CC2D2A: variants seen among roughly 807,000 people sequenced by gnomAD.
The protein encoded by CC2D2A is coiled-coil and C2 domain containing 2A.
CC2D2A carries 155 observed loss-of-function variants against 212.9 expected under a neutral mutation model. The observed-to-expected ratio is 0.73, with a 90% CI of 0.64 to 0.83. The LOEUF is 0.83. Among genes scored for constraint, CC2D2A ranks in the 40% least tolerant of loss-of-function variants. The pLI is 0.00. For missense variants in CC2D2A, 1,856 were observed against 1,956.2 expected, an observed-to-expected ratio of 0.95 and a Z score of 0.97; for synonymous variants, 667 against 686.5, an observed-to-expected ratio of 0.97 and a Z score of 0.44.
At chr4:15,502,244 T>C (rs1715994404) in intron 4 of CC2D2A, among the ~76,000 whole-genome samples, 185 bp from the exon 5 acceptor site, 1 of 152,244 alleles carries the variant, frequency 6.6e-6, no homozygotes. Context: ...AAAGGATGGT[T>C]GTTAGCATGA....
intron 15 of CC2D2A, among the ~76,000 whole-genome samples, chr4:15,537,336 A>G (rs1173636006): frequency 1.3e-5 from 2 of 152,230 alleles, no homozygotes; most frequent in East Asian, 1.9e-4. Flanking sequence ...CTCTGTGCCT[A>G]TTTAAGTAAT....
rs1719098708 is a variant in CC2D2A at position 15,553,259 on chromosome 4, A to G, written c.2440A>G (p.Ile814Val). The G allele has an allele frequency of 6.2e-7, 1 of 1,613,390 alleles. No individual in the cohort carries two copies. The highest frequency in any genetic ancestry group is 1.7e-5 in the Admixed American group (1 of 59,934). Residue 814 changes from isoleucine to valine, a missense_variant, in exon 19 of 37, where the codon ATA (isoleucine) becomes GTA (valine). Around this residue, in one of 5 missense-constraint regions of CC2D2A, gnomAD observed 1,512 missense variants for 1,579.3 expected, o/e 0.96. Coordinates refer to ENST00000424120, the MANE Select transcript of CC2D2A (RefSeq NM_001378615.1). ...GGCATGGGCCATTGGAGAAAACGGGATACCTTTAATTCCTCCATTGTCACA... is the reference window on the plus strand; with the variant it reads ...GGCATGGGCCATTGGAGAAAACGGGGTACCTTTAATTCCTCCATTGTCACA... ...SVAWAIGENG[I>V]PLIPPLSQQN...
At chr4:15,481,264 T>G (rs2108974548) in intron 4 of CC2D2A, 1 of 453,970 alleles carries the variant, frequency 2.2e-6, no homozygotes, top group South Asian at 1.6e-5. Context: ...ATCCCAGCAC[T>G]TTGGAAGGCC....
intron 30 of CC2D2A, 92 bp from the exon 31 acceptor site, chr4:15,586,065 T>G: frequency 3.6e-6 from 3 of 831,684 alleles, no homozygotes; most frequent in Non-Finnish European, 4.0e-6. Context: ...ATGTAAATGT[T>G]TGTAATATTT....
chr4:15,519,675 C>T (rs1423650503), intron 11 of CC2D2A: 7 of 432,162 alleles, frequency 1.6e-5, no homozygotes, highest in Admixed American at 2.5e-5. Flanking sequence ...GAGCAAGTCA[C>T]ATCTAACATG....
intron 7 of CC2D2A, among the ~76,000 whole-genome samples, 188 bp downstream of exon 7, chr4:15,510,428 T>C (rs1022724944): frequency 5.3e-5 from 8 of 151,922 alleles, no homozygotes. Context: ...AAACCCCATC[T>C]CTACAAAAAA....
intron 4 of CC2D2A, chr4:15,481,223 G>C (rs963186593): frequency 2.2e-6 from 1 of 455,400 alleles, no homozygotes. Context: ...AAAGAGCCTG[G>C]GCAGGCCAGG....
chr4:15,484,781 T>C (rs1217838024), intron 4 of CC2D2A, among the ~76,000 whole-genome samples: 1 of 152,130 alleles, frequency 6.6e-6, no homozygotes, highest in East Asian at 1.9e-4. Flanking sequence ...AGGTAGAAAT[T>C]GAATGGACAT....
At chr4:15,570,327 T>C (rs1720097879) in intron 27 of CC2D2A, 71 bp from the exon 28 acceptor site, 2 of 929,446 alleles carry the variant, frequency 2.2e-6, no homozygotes, top group East Asian at 5.3e-5. Context: ...CTTGCTGCTT[T>C]CCTGCTGCCA....
At chr4:15,482,981 C>A (rs766029726) in intron 4 of CC2D2A, among the ~76,000 whole-genome samples, 30 of 152,154 alleles carry the variant, frequency 2.0e-4, no homozygotes, top group Non-Finnish European at 2.2e-4. Context: ...CCATGACCAT[C>A]CAGTGTCTGG....
At chr4:15,482,152 T>C in intron 4 of CC2D2A, 2 of 985,458 alleles carry the variant, frequency 2.0e-6, no homozygotes, top group Non-Finnish European at 2.4e-6. Context: ...TGTTGGAAAC[T>C]AGAGGCCTTT....
intron 4 of CC2D2A, among the ~76,000 whole-genome samples, chr4:15,488,259 C>G (rs1489118922): frequency 2.0e-5 from 3 of 152,020 alleles, no homozygotes; most frequent in African/African-American, 7.2e-5. Context: ...TGATGAAATC[C>G]CTTGGCTTTT....
At chr4:15,531,147 C>T (rs755415138) in intron 13 of CC2D2A, among the ~76,000 whole-genome samples, 23 of 152,096 alleles carry the variant, frequency 1.5e-4, no homozygotes, top group Non-Finnish European at 2.8e-4. Context: ...ATACTATCTC[C>T]GCTCTCTCCC....
intron 11 of CC2D2A, among the ~76,000 whole-genome samples, chr4:15,521,120 G>A (rs1408732073): frequency 3.3e-5 from 5 of 152,154 alleles, no homozygotes; most frequent in Non-Finnish European, 7.3e-5. Context: ...GTCCAAAGGG[G>A]CTGACATCTT....
chr4:15,534,762 A>G (rs1437166705), intron 14 of CC2D2A, among the ~76,000 whole-genome samples: 5 of 151,452 alleles, frequency 3.3e-5, no homozygotes, highest in African/African-American at 9.7e-5. Flanking sequence ...AAATTGAAAG[A>G]AAAAAAAAGC....
intron 6 of CC2D2A, among the ~76,000 whole-genome samples, chr4:15,506,371 G>T (rs1164552210): frequency 6.6e-6 from 1 of 152,016 alleles, no homozygotes; most frequent in African/African-American, 2.4e-5. Flanking sequence ...TATATTATCT[G>T]AGCATATTTT....
In CC2D2A at chr4:15,540,012, A is replaced by G. The variant is rs1270773940; in HGVS notation, c.2004-825A>G. Among the ~76,000 whole-genome samples, 3 of 152,342 alleles carry G rather than the reference A, an allele frequency of 2.0e-5. No individual in the cohort carries two copies. The East Asian group carries it at 5.8e-4, about 29-fold the overall frequency. ...TGGATAGTGGTGATGGTTAGACAAC[A>G]TAGTAATTGTATGTAATGCCACTGA... On this transcript the variant is annotated intron_variant, in intron 16 of 36. Coordinates refer to ENST00000424120, the MANE Select transcript of CC2D2A (RefSeq NM_001378615.1).
intron 4 of CC2D2A, among the ~76,000 whole-genome samples, chr4:15,499,452 A>G (rs1366087028): frequency 1.3e-5 from 2 of 152,142 alleles, no homozygotes; most frequent in South Asian, 2.1e-4. Flanking sequence ...AAAGTGATAA[A>G]TGTCATAATT....
intron 1 of CC2D2A, among the ~76,000 whole-genome samples, chr4:15,471,489 A>G (rs972420370): frequency 6.6e-6 from 1 of 151,986 alleles, no homozygotes; most frequent in Non-Finnish European, 1.5e-5. Context: ...CCTCCCCACA[A>G]TCACTTTTTC....
Sources: gnomAD v4.1 joint callset for allele counts (sites outside exome capture counted in the v4.1 genomes callset) on GRCh38, gnomAD v4.1.1 for gene constraint, gnomAD v4.1.1 regional missense constraint, MANE v1.5 for transcripts, NCBI Gene and HGNC (gene_info 2026-07-23, HGNC 2026-07-21) for gene names.